Variants in PAPPA2 observed in about 807,000 individuals in gnomAD.
PAPPA2 encodes pappalysin-2.
In PAPPA2, 86 loss-of-function variants were observed where a neutral mutation model predicts 176.4. The ratio of observed to expected loss-of-function variants is 0.49; its 90% CI spans 0.41 to 0.58. The LOEUF (loss-of-function observed/expected upper bound fraction) is 0.58. PAPPA2 is among the 20% of genes least tolerant of loss of function. The pLI, the probability that PAPPA2 is intolerant of heterozygous loss-of-function variation, is 0.00. For synonymous variants in PAPPA2, 809 were observed against 852.2 expected, an observed-to-expected ratio of 0.95 and a Z score of 0.88; for missense variants, 2,073 against 2,256.9, an observed-to-expected ratio of 0.92 and a Z score of 1.65.
intron 1 of PAPPA2, among the ~76,000 whole-genome samples, chr1:176,495,475 G>T (rs1403402297): frequency 6.6e-6 from 1 of 151,522 alleles, no homozygotes; most frequent in Non-Finnish European, 1.5e-5. Context: ...GGGAGGTGGA[G>T]GTTGCAGTGA....
At chr1:176,525,255 G>A (rs746158636) in intron 1 of PAPPA2, among the ~76,000 whole-genome samples, 2 of 152,164 alleles carry the variant, frequency 1.3e-5, no homozygotes, top group Non-Finnish European at 2.9e-5. Flanking sequence ...TCACTCAGTT[G>A]AGCAAGACTC....
At chr1:176,480,247 A>T (rs2102477847) in intron 1 of PAPPA2, among the ~76,000 whole-genome samples, 1 of 152,300 alleles carries the variant, frequency 6.6e-6, no homozygotes, top group Non-Finnish European at 1.5e-5. Flanking sequence ...GTCTCCAAGA[A>T]GTCTCTATGC....
intron 3 of PAPPA2, among the ~76,000 whole-genome samples, chr1:176,607,527 A>G (rs1383274213): frequency 6.6e-6 from 1 of 152,222 alleles, no homozygotes; most frequent in Non-Finnish European, 1.5e-5. Context: ...ATGTTGCTGC[A>G]AATGGCAGAT....
rs1651320334 is a variant in PAPPA2, at chr1:176,556,707, T to C, written c.385T>C (p.Trp129Arg). 1.2e-6 allele frequency: 2 copies of C among 1,613,916 alleles called. No individual in the cohort carries two copies. Among genetic ancestry groups the C allele is most frequent in the Non-Finnish European group, 1.7e-6 (2 of 1,179,906 alleles). ...RGAVEEPAAP[W>R]VGDSPIGQSE... ...TGCAGTTGAAGAGCCGGCTGCCCCA[T>C]GGGTAGGGGATAGTCCTATTGGGCA... The change falls in exon 2 of 23, where the codon TGG becomes CGG. Residue 129 changes from tryptophan to arginine, a missense_variant. By Grantham distance (101) the Trp-to-Arg change is moderately radical. Transcript: ENST00000367662.
chr1:176,716,539 C>G (rs1323830426), intron 12 of PAPPA2, among the ~76,000 whole-genome samples: 1 of 151,904 alleles, frequency 6.6e-6, no homozygotes, highest in African/African-American at 2.4e-5. Context: ...AGCCACTGCG[C>G]CCAGCCTTAA....
chr1:176,819,808 AAG>A (rs1339091829), intron 21 of PAPPA2, among the ~76,000 whole-genome samples: 1 of 152,202 alleles, frequency 6.6e-6, no homozygotes, highest in East Asian at 1.9e-4. Context: ...GATAAAGAGA[AAG>A]AGAGCCTCTG....
chr1:176,666,965 G>A (rs573717611), intron 3 of PAPPA2, among the ~76,000 whole-genome samples: 47 of 152,288 alleles, frequency 3.1e-4, no homozygotes, highest in Admixed American at 1.4e-3. Flanking sequence ...GACTGTGTTG[G>A]CCGGGTACCG....
At chr1:176,827,888 TATAAA>T (rs781480598) in intron 21 of PAPPA2, among the ~76,000 whole-genome samples, 1 of 152,140 alleles carries the variant, frequency 6.6e-6, no homozygotes, top group Non-Finnish European at 1.5e-5. Flanking sequence ...TCTGGATAAT[TATAAA>T]AGAAAGTTTT....
intron 21 of PAPPA2, among the ~76,000 whole-genome samples, chr1:176,822,735 T>C (rs1219764073): frequency 6.6e-6 from 1 of 152,228 alleles, no homozygotes; most frequent in African/African-American, 2.4e-5. Flanking sequence ...TAACATTGTC[T>C]TAACTTCAGT....
intron 3 of PAPPA2, among the ~76,000 whole-genome samples, chr1:176,641,119 A>AT (rs1162212129): frequency 2.7e-5 from 4 of 148,200 alleles, no homozygotes; most frequent in African/African-American, 1.0e-4. Context: ...GGTTGCAAAA[A>AT]TTTTCTCCCA....
At chr1:176,660,428 A>G (rs1658297795) in intron 3 of PAPPA2, among the ~76,000 whole-genome samples, 1 of 152,008 alleles carries the variant, frequency 6.6e-6, no homozygotes, top group Non-Finnish European at 1.5e-5. Flanking sequence ...TCATAATTAT[A>G]ACTTTTTTGA....
At chr1:176,794,771 G>C (rs1367557681) in intron 20 of PAPPA2, among the ~76,000 whole-genome samples, 2 of 121,884 alleles carry the variant, frequency 1.6e-5, no homozygotes, top group Non-Finnish European at 3.4e-5. Context: ...GGATGTGAGA[G>C]ACAAGGGCAT....
chr1:176,826,893 G>A (rs1324702303), intron 21 of PAPPA2, among the ~76,000 whole-genome samples: 1 of 152,216 alleles, frequency 6.6e-6, no homozygotes, highest in African/African-American at 2.4e-5. Flanking sequence ...GACAGGTCTT[G>A]CTACTTAATC....
At chr1:176,815,604 A>G (rs1480433403) in intron 21 of PAPPA2, among the ~76,000 whole-genome samples, 1 of 152,166 alleles carries the variant, frequency 6.6e-6, no homozygotes, top group African/African-American at 2.4e-5. Context: ...CATTTTGCCA[A>G]GGTTAAGGAT....
intron 2 of PAPPA2, among the ~76,000 whole-genome samples, chr1:176,589,334 C>T (rs550736418): frequency 4.6e-5 from 7 of 152,268 alleles, no homozygotes; most frequent in African/African-American, 9.6e-5. Context: ...CTAAGACCCA[C>T]GTGAGCATAT....
chr1:176,782,794 A>G (rs574481326), intron 17 of PAPPA2, among the ~76,000 whole-genome samples: 2 of 152,304 alleles, frequency 1.3e-5, no homozygotes, highest in East Asian at 1.9e-4. Context: ...TATTTTTTTG[A>G]AAGTTCCCTC....
At chr1:176,691,062 G>A (rs1660101379) in intron 5 of PAPPA2, 1 of 985,186 alleles carries the variant, frequency 1.0e-6, no homozygotes, top group Non-Finnish European at 1.2e-6. Context: ...TTGTCATCTG[G>A]TCTTTCTTGC....
At chr1:176,653,594 A>C (rs181941803) in intron 3 of PAPPA2, among the ~76,000 whole-genome samples, 33 of 151,758 alleles carry the variant, frequency 2.2e-4, no homozygotes, top group Non-Finnish European at 2.5e-4. Context: ...CAAATTTAGT[A>C]ATGATTAAGT....
intron 21 of PAPPA2, among the ~76,000 whole-genome samples, chr1:176,801,494 G>A (rs1329007108): frequency 1.3e-5 from 2 of 152,122 alleles, no homozygotes; most frequent in African/African-American, 2.4e-5. Flanking sequence ...CTCTGCGAGC[G>A]CATCAGGAAA....
Sources: gnomAD v4.1 joint callset for allele counts (sites outside exome capture counted in the v4.1 genomes callset) on GRCh38, gnomAD v4.1.1 for gene constraint, MANE v1.5 for transcripts, NCBI Gene and HGNC (gene_info 2026-07-23, HGNC 2026-07-21) for gene names.